The following ATP7B variants were observed in gnomAD, a reference collection of about 807,000 sequenced individuals.
ATP7B encodes ATPase copper transporting beta.
A neutral mutation model predicts 118.9 loss-of-function variants in ATP7B; 113 were observed. The ratio of observed to expected loss-of-function variants is 0.95; its 90% CI spans 0.82 to 1.11. The LOEUF is 1.11. ATP7B is among the 50% of genes most tolerant of loss of function. ATP7B has a pLI of 0.00. For missense variants in ATP7B, 1,867 were observed against 1,871.4 expected, an observed-to-expected ratio of 1.00 and a Z score of 0.04; for synonymous variants, 777 against 727.4, an observed-to-expected ratio of 1.07 and a Z score of -1.10.
At chr13:51,962,243 G>A (rs563141412) in intron 5 of ATP7B, among the ~76,000 whole-genome samples, 28 of 152,266 alleles carry the variant, frequency 1.8e-4, no homozygotes, top group Admixed American at 9.2e-4. Context: ...ACAGAAGGTC[G>A]GAGAGGATAA....
intron 19 of ATP7B, 54 bp from the exon 20 acceptor site, chr13:51,935,749 G>A: frequency 7.9e-6 from 12 of 1,519,202 alleles, no homozygotes; most frequent in East Asian, 4.7e-5. Flanking sequence ...GGAGCCAGGA[G>A]AGGGCTTCAG....
chr13:51,996,412 CAGA>C (rs1953209790), intron 1 of ATP7B, among the ~76,000 whole-genome samples: 1 of 152,182 alleles, frequency 6.6e-6, no homozygotes, highest in African/African-American at 2.4e-5. Flanking sequence ...ACTCGGGGAC[CAGA>C]AGGAGAGACC....
chr13:52,005,489 G>C lies in ATP7B; in HGVS notation c.51+5798C>G, dbSNP rs149232007. ...TAAAAACAGAATGGGCTTTTCTCTAGTTCCCAATAAAATATTCCTCATTTC... is the reference window on the plus strand; with the variant it reads ...TAAAAACAGAATGGGCTTTTCTCTACTTCCCAATAAAATATTCCTCATTTC... On this transcript the variant is annotated intron_variant, in intron 1 of 20. Transcript: ENST00000242839. Among the ~76,000 whole-genome samples the C allele has an allele frequency of 7.2e-3, 1,094 of 152,200 alleles. 20 individuals carry two copies. The highest frequency in any genetic ancestry group is 0.025 in the African/African-American group (1,058 of 41,524).
Position 51,934,948 on chromosome 13 carries a change from C to T in ATP7B, c.4206G>A (p.Val1402=). ...GCCACCTGTCATCCATGCCTATGTG[C>T]ACACTGACCTGGGATGCCGTCAGGG... ...MKPLTASQVS[V]HIGMDDRWRD... The change falls in exon 21 of 21, where the codon GTG becomes GTA. Residue 1402 remains valine (V), a synonymous_variant. Transcript: ENST00000242839. 1 of 1,614,108 alleles carries T rather than the reference C, an allele frequency of 6.2e-7. No homozygotes were observed. Among genetic ancestry groups the T allele is most frequent in the Non-Finnish European group, 8.5e-7 (1 of 1,180,036 alleles).
rs1956832140 is a variant in ATP7B, at chr13:51,934,127, C to T, written c.*629G>A. ...TGCACACTCCAGAGCATTGGAGAAG[C>T]GCCTGAGAGCAGCAGCAAAGACCAC... is the stretch of plus-strand genomic sequence containing the variant. On this transcript the variant is annotated 3_prime_UTR_variant, in exon 21 of 21. Coordinates refer to ENST00000242839, the MANE Select transcript of ATP7B (RefSeq NM_000053.4). 4 of 168,532 alleles carry T rather than the reference C, an allele frequency of 2.4e-5. No individual in the cohort carries two copies. The highest frequency in any genetic ancestry group is 1.1e-4 in the Admixed American group (2 of 18,258). 10.4% of individuals were successfully genotyped at this position (168,532 alleles called of 1,614,324 possible). A position where few individuals can be genotyped will look rare whatever the true frequency, so the allele number is the denominator to read the frequency against.
intron 1 of ATP7B, among the ~76,000 whole-genome samples, chr13:52,004,702 C>G (rs1217330483): frequency 6.6e-6 from 1 of 152,174 alleles, no homozygotes; most frequent in African/African-American, 2.4e-5. Flanking sequence ...TGAACACTTA[C>G]AAAGTCTTTC....
intron 1 of ATP7B, among the ~76,000 whole-genome samples, chr13:52,009,101 C>T (rs1391566224): frequency 2.6e-5 from 4 of 152,058 alleles, no homozygotes; most frequent in Non-Finnish European, 5.9e-5. Flanking sequence ...GTCTTGAACT[C>T]CTGGACCCAA....
At chr13:51,985,370 T>C (rs1439227001) in intron 1 of ATP7B, among the ~76,000 whole-genome samples, 2 of 152,190 alleles carry the variant, frequency 1.3e-5, no homozygotes, top group Non-Finnish European at 2.9e-5. Flanking sequence ...GAGCTAACTA[T>C]CCTAAATATA....
At position 51,974,418 on chromosome 13, in the gene ATP7B, A is replaced by G; in HGVS notation, c.802T>C (p.Cys268Arg). 4.3e-6 allele frequency: 7 copies of G among 1,613,970 alleles called. No homozygotes were observed. Among genetic ancestry groups the G allele is most frequent in the Non-Finnish European group, 5.9e-6 (7 of 1,180,008 alleles). Residue 268 changes from cysteine to arginine, a missense_variant, in exon 2 of 21, where the codon TGT becomes CGT. Transcript: ENST00000242839. ...TCAATATTCAAGACGCAAGACTTAC[A>G]ATGCATTCCATCTATTCTCAGTTGG... ...TLQLRIDGMH[C>R]KSCVLNIEEN...
At chr13:51,963,898 A>G (rs1234897670) in intron 5 of ATP7B, among the ~76,000 whole-genome samples, 1 of 152,002 alleles carries the variant, frequency 6.6e-6, no homozygotes, top group Non-Finnish European at 1.5e-5. Flanking sequence ...GTAAAAATAC[A>G]AAAATTAGCC....
Position 51,958,415 on chromosome 13 carries a change from C to A in ATP7B, c.2251G>T (p.Ala751Ser), listed in dbSNP as rs1555291181. 6.2e-7 allele frequency: 1 copy of A among 1,614,234 alleles called. No individual in the cohort carries two copies. Among genetic ancestry groups the A allele is most frequent in the South Asian group, 1.1e-5 (1 of 91,082 alleles). ...YVYSLVILVV[A>S]VAEKAERSPV... ...CTCCTCTCCGCCTTCTCAGCCACAGCAACCACCAGGATGACCAGAGAATAA... is the reference window on the plus strand; with the variant it reads ...CTCCTCTCCGCCTTCTCAGCCACAGAAACCACCAGGATGACCAGAGAATAA... The change falls in exon 8 of 21, where the codon GCT (alanine) becomes TCT (serine). Residue 751 changes from alanine (A) to serine (S), a missense_variant. By Grantham distance (99) the Ala-to-Ser change is moderately conservative. Coordinates refer to ENST00000242839, the MANE Select transcript of ATP7B (RefSeq NM_000053.4).
chr13:51,959,938 T>G, intron 7 of ATP7B: 1 of 606,204 alleles, frequency 1.6e-6, no homozygotes, highest in African/African-American at 1.9e-5. Flanking sequence ...ACCAGGCCCT[T>G]AGTAGTCCCC....
intron 2 of ATP7B, among the ~76,000 whole-genome samples, chr13:51,973,717 A>G (rs926346686): frequency 6.6e-6 from 1 of 152,268 alleles, no homozygotes. Context: ...ACAGACTAAT[A>G]CAAAATCCCA....
At chr13:51,953,024 T>C (rs144050531) in intron 9 of ATP7B, among the ~76,000 whole-genome samples, 1 of 152,272 alleles carries the variant, frequency 6.6e-6, no homozygotes, top group African/African-American at 2.4e-5. Context: ...AGTTCAATCA[T>C]GGCAACCAAA....
intron 4 of ATP7B, among the ~76,000 whole-genome samples, chr13:51,967,407 A>G (rs1951616364): frequency 6.6e-6 from 1 of 152,258 alleles, no homozygotes. Flanking sequence ...ACCTTTTCCA[A>G]TAATCCTCTT....
Position 51,950,006 on chromosome 13 carries a change from C to T in ATP7B, c.2730+1G>A, listed in dbSNP as rs1057516425. On this transcript the variant is annotated splice_donor_variant, in intron 11 of 20. Transcript: ENST00000242839. LOFTEE classifies it high-confidence loss of function. ...GTTAGTTTTAAAAATTTCTTCATTA[C>T]CTTTGACATCTGAGCCTCTTCCACC... is the stretch of plus-strand genomic sequence containing the variant. 2.5e-6 allele frequency: 4 copies of T among 1,614,196 alleles called. No homozygotes were observed. The highest frequency in any genetic ancestry group is 1.6e-4 in the Middle Eastern group (1 of 6,062).
At chr13:51,966,244 G>A (rs1262266416) in intron 4 of ATP7B, among the ~76,000 whole-genome samples, 2 of 152,220 alleles carry the variant, frequency 1.3e-5, no homozygotes, top group African/African-American at 4.8e-5. Flanking sequence ...GCAGTACTGA[G>A]AGGTTTAGGA....
intron 14 of ATP7B, among the ~76,000 whole-genome samples, chr13:51,942,914 G>A (rs1216657292): frequency 3.3e-5 from 5 of 152,208 alleles, no homozygotes; most frequent in Non-Finnish European, 5.9e-5. Flanking sequence ...GACTGCAGAT[G>A]CCAAAGAGAG....
rs193922104 is a variant in ATP7B, at chr13:51,946,391, A to G, written c.2953T>C (p.Cys985Arg). 4.3e-6 allele frequency: 7 copies of G among 1,613,928 alleles called. No homozygotes were observed. Among genetic ancestry groups the G allele is most frequent in the Non-Finnish European group, 5.1e-6 (6 of 1,180,044 alleles). The change falls in exon 13 of 21, where the codon TGC becomes CGC. Residue 985 changes from cysteine (C) to arginine (R), a missense_variant. Transcript: ENST00000242839. ...SITVLCIACP[C>R]SLGLATPTAV... ...GTGGGCGTGGCCAGCCCCAGGGAGC[A>G]GGGGCAGGCAATGCACAGCACCGTG... is the stretch of plus-strand genomic sequence containing the variant.
Sources: gnomAD v4.1 joint callset for allele counts (sites outside exome capture counted in the v4.1 genomes callset) on GRCh38, gnomAD v4.1.1 for gene constraint, MANE v1.5 for transcripts, NCBI Gene and HGNC (gene_info 2026-07-23, HGNC 2026-07-21) for gene names.